RBFOX1: variants seen among roughly 807,000 people sequenced by gnomAD.
RBFOX1 encodes the protein RNA binding protein fox-1 homolog 1.
Under a neutral mutation model 57.7 loss-of-function variants are expected in RBFOX1, and 8 were observed. That is an observed-to-expected ratio of 0.14 (90% CI 0.08 to 0.25). The LOEUF (loss-of-function observed/expected upper bound fraction) is 0.25, where lower values mean the gene tolerates loss of function less well. Ranked by LOEUF, RBFOX1 falls within the 10% of genes least tolerant of loss-of-function variation. The pLI is 1.00. For synonymous variants in RBFOX1, 326 were observed against 222.4 expected (o/e 1.47, Z -4.15); for missense variants, 611 against 548.5 (o/e 1.11, Z -1.14).
At chr16:7,003,515 A>G (rs1352906817) in intron 3 of RBFOX1, among the ~76,000 whole-genome samples, 2 of 152,086 alleles carry the variant, frequency 1.3e-5, no homozygotes, top group Non-Finnish European at 2.9e-5. Flanking sequence ...GCCCTGTTAA[A>G]TCCTGCTCTC....
chr16:5,864,778 C>A (rs909877307), intron 3 of RBFOX1, among the ~76,000 whole-genome samples: 2 of 152,070 alleles, frequency 1.3e-5, no homozygotes, highest in Non-Finnish European at 2.9e-5. Flanking sequence ...TGGCTAGAAC[C>A]GTGTTTTGCC....
chr16:6,193,292 C>T (rs1249562311), intron 1 of RBFOX1, among the ~76,000 whole-genome samples: 1 of 148,706 alleles, frequency 6.7e-6, no homozygotes, highest in East Asian at 2.0e-4. Context: ...ATCAGATTAT[C>T]TCTTCGTGGG....
At chr16:6,551,469 A>C (rs868257365) in intron 2 of RBFOX1, among the ~76,000 whole-genome samples, 9 of 152,212 alleles carry the variant, frequency 5.9e-5, no homozygotes, top group African/African-American at 2.2e-4. Flanking sequence ...TGTCTAACAT[A>C]AGTAACCATT....
chr16:7,292,956 G>T (rs752932919), intron 4 of RBFOX1, among the ~76,000 whole-genome samples: 3 of 152,098 alleles, frequency 2.0e-5, no homozygotes, highest in Non-Finnish European at 4.4e-5. Context: ...AAGGGGTGAG[G>T]ATACGAATTT....
intron 1 of RBFOX1, among the ~76,000 whole-genome samples, chr16:6,162,744 G>C (rs551582723): frequency 1.3e-5 from 2 of 151,964 alleles, no homozygotes; most frequent in Non-Finnish European, 2.9e-5. Context: ...TTGTGTGTGC[G>C]TGTGTTTGAG....
intron 1 of RBFOX1, among the ~76,000 whole-genome samples, chr16:5,434,509 A>G (rs2067856256): frequency 6.6e-6 from 1 of 151,478 alleles, no homozygotes; most frequent in South Asian, 2.1e-4. Flanking sequence ...TTTAGTAGAG[A>G]TGAGGTTTCT....
intron 4 of RBFOX1, among the ~76,000 whole-genome samples, chr16:7,170,058 A>T (rs528501424): frequency 9.8e-5 from 15 of 152,316 alleles, no homozygotes; most frequent in Admixed American, 9.1e-4. Flanking sequence ...TAGGTGATAG[A>T]GGAAGACCCT....
At chr16:6,894,743 T>C (rs895717371) in intron 3 of RBFOX1, among the ~76,000 whole-genome samples, 1 of 152,192 alleles carries the variant, frequency 6.6e-6, no homozygotes, top group African/African-American at 2.4e-5. Context: ...ACAGATTGTA[T>C]CAGTTTAGTT....
At chr16:5,308,876 G>C (rs1393167391) in intron 1 of RBFOX1, among the ~76,000 whole-genome samples, 1 of 152,076 alleles carries the variant, frequency 6.6e-6, no homozygotes, top group African/African-American at 2.4e-5. Context: ...CTGTTGTCCT[G>C]AGACCTCCCT....
At chr16:6,842,275 T>C (rs898761654) in intron 3 of RBFOX1, among the ~76,000 whole-genome samples, 1 of 152,088 alleles carries the variant, frequency 6.6e-6, no homozygotes, top group Admixed American at 6.5e-5. Flanking sequence ...TATTTTTCTG[T>C]AAGGAAATAA....
intron 2 of RBFOX1, among the ~76,000 whole-genome samples, chr16:6,386,715 C>T (rs12051005): frequency 0.3 from 45,364 of 152,076 alleles, 7,795 homozygotes; most frequent in South Asian, 0.61. Context: ...AGTGATTATT[C>T]ACTGAGTAAA....
chr16:6,701,378 ACT>A (rs1165389964), intron 3 of RBFOX1, among the ~76,000 whole-genome samples: 1 of 152,066 alleles, frequency 6.6e-6, no homozygotes, highest in Non-Finnish European at 1.5e-5. Context: ...CATCTTACTG[ACT>A]CCACAAAGTG....
In RBFOX1 at chr16:7,668,230, G is replaced by A. The variant is rs150073458; in HGVS notation, c.930+3262G>A. 3.8e-4 allele frequency among the ~76,000 whole-genome samples: 58 copies of A among 152,152 alleles called. No homozygotes were observed. In the East Asian group the frequency reaches 9.9e-3, roughly 26 times the overall value. On this transcript the variant is annotated intron_variant, in intron 13 of 15. Coordinates refer to ENST00000550418, the MANE Select transcript of RBFOX1 (RefSeq NM_018723.4). The stretch of plus-strand genomic sequence containing the variant: ...CCTACCACCTGAGGTTGGAGCCCTC[G>A]GGCATTTTTTAGTTCTGCCAAAGCA...
chr16:7,402,476 C>T (rs1284916151), intron 4 of RBFOX1, among the ~76,000 whole-genome samples: 1 of 152,168 alleles, frequency 6.6e-6, no homozygotes, highest in Non-Finnish European at 1.5e-5. Flanking sequence ...TTGAGAATTT[C>T]TGCCGAGAGA....
chr16:5,641,602 C>A (rs913604892), intron 3 of RBFOX1, among the ~76,000 whole-genome samples: 1 of 152,122 alleles, frequency 6.6e-6, no homozygotes, highest in African/African-American at 2.4e-5. Flanking sequence ...TGAATGGCAC[C>A]CCTTTTGGGT....
chr16:5,932,729 C>A (rs996026583), intron 4 of RBFOX1, among the ~76,000 whole-genome samples: 1 of 152,170 alleles, frequency 6.6e-6, no homozygotes, highest in Non-Finnish European at 1.5e-5. Context: ...TGTTTACGTG[C>A]ATTTCCCATC....
intron 3 of RBFOX1, among the ~76,000 whole-genome samples, chr16:6,919,937 C>T (rs1458013282): frequency 6.6e-6 from 1 of 152,022 alleles, no homozygotes; most frequent in African/African-American, 2.4e-5. Context: ...TTACCCCCTC[C>T]CACTTTTCCC....
intron 1 of RBFOX1, among the ~76,000 whole-genome samples, chr16:6,313,250 A>T (rs1396786812): frequency 6.6e-6 from 1 of 152,158 alleles, no homozygotes; most frequent in Non-Finnish European, 1.5e-5. Flanking sequence ...ATCATTAGGG[A>T]TGTCAGGAGT....
At chr16:7,155,093 C>T (rs373683637) in intron 4 of RBFOX1, among the ~76,000 whole-genome samples, 1 of 152,166 alleles carries the variant, frequency 6.6e-6, no homozygotes, top group South Asian at 2.1e-4. Context: ...TCAATGCAAA[C>T]TCTCCAAAGC....
Sources: allele counts gnomAD v4.1 joint callset (sites outside exome capture counted in the v4.1 genomes callset), GRCh38; gene constraint gnomAD v4.1.1; transcripts MANE v1.5; gene names NCBI Gene and HGNC (gene_info 2026-07-23, HGNC 2026-07-21).